The following DOCK1 variants were observed in gnomAD, a reference collection of about 807,000 sequenced individuals.
DOCK1 encodes dedicator of cytokinesis 1.
In DOCK1, 138 loss-of-function variants were observed where a neutral mutation model predicts 262.7. The ratio of observed to expected loss-of-function variants is 0.53; its 90% confidence interval spans 0.46 to 0.61. The LOEUF (loss-of-function observed/expected upper bound fraction) is 0.61, where lower values mean the gene tolerates loss of function less well. DOCK1 is among the 20% of genes least tolerant of loss of function. The pLI is 0.00. For synonymous variants in DOCK1, 866 were observed against 867.4 expected (o/e 1.00, Z 0.03); for missense variants, 1,908 against 2,370.7 (o/e 0.80, Z 4.05).
At chr10:127,296,766 A>C (rs142043436) in intron 29 of DOCK1, among the ~76,000 whole-genome samples, 1,859 of 152,264 alleles carry the variant, frequency 0.012, 23 homozygotes, top group Middle Eastern at 0.024. Flanking sequence ...TGTGGCATGC[A>C]TGGGAAAGCG....
intron 24 of DOCK1, among the ~76,000 whole-genome samples, chr10:127,109,667 A>G (rs2048748734): frequency 6.6e-6 from 1 of 152,200 alleles, no homozygotes; most frequent in Non-Finnish European, 1.5e-5. Flanking sequence ...TACTTAGCAT[A>G]AAGTTTTCAA....
intron 27 of DOCK1, among the ~76,000 whole-genome samples, chr10:127,163,056 C>G (rs1209140874): frequency 6.6e-6 from 1 of 152,204 alleles, no homozygotes; most frequent in Non-Finnish European, 1.5e-5. Flanking sequence ...GGCAGCACAG[C>G]ACATCCTCAG....
intron 27 of DOCK1, among the ~76,000 whole-genome samples, chr10:127,209,582 G>T (rs1161379603): frequency 6.6e-6 from 1 of 152,160 alleles, no homozygotes; most frequent in Non-Finnish European, 1.5e-5. Context: ...ACTAGAGCTG[G>T]GTGCTTAAAG....
At chr10:127,060,953 G>T (rs781003681) in intron 22 of DOCK1, among the ~76,000 whole-genome samples, 1 of 152,218 alleles carries the variant, frequency 6.6e-6, no homozygotes, top group Non-Finnish European at 1.5e-5. Context: ...GGTAGTGGCC[G>T]CCTGGCGGCT....
chr10:126,912,789 G>A (rs1023896667), intron 1 of DOCK1, among the ~76,000 whole-genome samples: 2 of 150,778 alleles, frequency 1.3e-5, no homozygotes, highest in African/African-American at 2.4e-5. Context: ...CTACCCTACC[G>A]TAAAGACCAC....
chr10:127,014,006 C>G (rs74161523), intron 12 of DOCK1, among the ~76,000 whole-genome samples: 7,200 of 152,260 alleles, frequency 0.047, 569 homozygotes, highest in African/African-American at 0.16. Flanking sequence ...GTTAGCGGCC[C>G]CAGGAGTGGA....
At chr10:127,270,639 G>A (rs1482794079) in intron 29 of DOCK1, among the ~76,000 whole-genome samples, 2 of 152,004 alleles carry the variant, frequency 1.3e-5, no homozygotes, top group Admixed American at 1.3e-4. Flanking sequence ...ATGTGCAGTG[G>A]TGTGTAGGCA....
At chr10:126,932,606 C>T (rs2034265859) in intron 1 of DOCK1, among the ~76,000 whole-genome samples, 2 of 152,186 alleles carry the variant, frequency 1.3e-5, no homozygotes, top group East Asian at 1.9e-4. Flanking sequence ...CTGGTGGCAC[C>T]AGGGGAAACA....
chr10:127,331,084 T>C (rs3954771), intron 29 of DOCK1, among the ~76,000 whole-genome samples: 54,175 of 152,030 alleles, frequency 0.36, 9,794 homozygotes, highest in East Asian at 0.51. Context: ...AGTCCACTTA[T>C]GGCTCAGACA....
At chr10:127,269,908 G>A (rs2060499827) in intron 29 of DOCK1, among the ~76,000 whole-genome samples, 1 of 152,356 alleles carries the variant, frequency 6.6e-6, no homozygotes, top group Non-Finnish European at 1.5e-5. Flanking sequence ...GCTTGACGAG[G>A]AGGTCCTCAG....
chr10:127,226,976 A>G (rs879694628), intron 27 of DOCK1, among the ~76,000 whole-genome samples: 3 of 152,166 alleles, frequency 2.0e-5, no homozygotes, highest in Admixed American at 6.5e-5. Flanking sequence ...CTCACTAGAC[A>G]CAGGGGCAGA....
chr10:127,276,900 A>G (rs1041937178), intron 29 of DOCK1, among the ~76,000 whole-genome samples: 4 of 152,206 alleles, frequency 2.6e-5, no homozygotes, highest in Non-Finnish European at 5.9e-5. Context: ...CAGAGATGTA[A>G]GATGAATGTC....
At chr10:127,397,264 G>A (rs112453742) in intron 38 of DOCK1, among the ~76,000 whole-genome samples, 107 of 77,492 alleles carry the variant, frequency 1.4e-3, no homozygotes, top group South Asian at 1.4e-3. Context: ...TTACACGGGC[G>A]GCGACTCCTA....
chr10:127,106,719 C>T (rs910949973), intron 24 of DOCK1, among the ~76,000 whole-genome samples: 2 of 151,984 alleles, frequency 1.3e-5, no homozygotes, highest in African/African-American at 2.4e-5. Flanking sequence ...GGGCCCTGAG[C>T]CTCAAGCAGA....
chr10:127,016,949 CACAG>C (rs1225293889), intron 12 of DOCK1, among the ~76,000 whole-genome samples: 1 of 146,660 alleles, frequency 6.8e-6, no homozygotes, highest in African/African-American at 2.5e-5. Context: ...ACCACAGACA[CACAG>C]AGATATACCA....
chr10:127,343,540 C>A, intron 30 of DOCK1, 106 bp from the exon 31 acceptor site: 2 of 916,668 alleles, frequency 2.2e-6, no homozygotes, highest in Non-Finnish European at 3.2e-6. Flanking sequence ...TTTTTTTTAA[C>A]TTTTCAGAAG....
At position 127,032,244 on chromosome 10, in the gene DOCK1, C is replaced by T; in HGVS notation, c.1836C>T (p.Ser612=). Residue 612 remains serine (S), a synonymous_variant, in exon 18 of 52, where the codon AGC becomes AGT. Transcript: ENST00000623213. ...CGGCCACCGGCAAGAGCATGCAGAGCCTTGGGAGCTGCACCATTAGCAAGG... is the reference window on the plus strand; with the variant it reads ...CGGCCACCGGCAAGAGCATGCAGAGTCTTGGGAGCTGCACCATTAGCAAGG... The part of the protein sequence containing the change: ...GHSATGKSMQ[S]LGSCTISKDS... 1 of 1,600,558 alleles carries T rather than the reference C, an allele frequency of 6.2e-7. No individual in the cohort carries two copies. Among genetic ancestry groups the T allele is most frequent in the Non-Finnish European group, 8.5e-7 (1 of 1,173,736 alleles).
At chr10:126,945,220 A>G (rs1404255933) in intron 1 of DOCK1, among the ~76,000 whole-genome samples, 1 of 152,058 alleles carries the variant, frequency 6.6e-6, no homozygotes, top group Non-Finnish European at 1.5e-5. Flanking sequence ...TAAGGTGTCC[A>G]CGGGGGACAG....
chr10:127,361,269 A>T (rs921857417), intron 32 of DOCK1, among the ~76,000 whole-genome samples: 2 of 151,676 alleles, frequency 1.3e-5, no homozygotes, highest in Admixed American at 6.6e-5. Flanking sequence ...GCCCGCTACC[A>T]CGCCCAGCTG....
Sources: allele counts gnomAD v4.1 joint callset (sites outside exome capture counted in the v4.1 genomes callset), GRCh38; gene constraint gnomAD v4.1.1; transcripts MANE v1.5; gene names NCBI Gene and HGNC (gene_info 2026-07-23, HGNC 2026-07-21).